WWOX: variants seen among roughly 807,000 people sequenced by gnomAD.
WWOX encodes WW domain containing oxidoreductase.
In WWOX, 69 loss-of-function variants were observed where a neutral mutation model predicts 46.2. The observed-to-expected ratio is 1.49, with a 90% CI of 1.23 to 1.82. The LOEUF is 1.82. Among genes scored for constraint, WWOX ranks in the 40% most tolerant of loss-of-function variants. The pLI is 0.00. For synonymous variants in WWOX, 359 were observed against 202.6 expected (o/e 1.77, Z -6.56); for missense variants, 919 against 542.6 (o/e 1.69, Z -6.89).
chr16:78,884,473 G>C (rs2044411390), intron 8 of WWOX, among the ~76,000 whole-genome samples: 1 of 152,022 alleles, frequency 6.6e-6, no homozygotes, highest in Non-Finnish European at 1.5e-5. Context: ...GGATAAATAA[G>C]TTGTAATAAA....
chr16:78,972,533 G>A (rs1296248267), intron 8 of WWOX, among the ~76,000 whole-genome samples: 1 of 151,744 alleles, frequency 6.6e-6, no homozygotes, highest in African/African-American at 2.4e-5. Flanking sequence ...ATCTCTGGGG[G>A]AGGGAGGGTG....
At chr16:78,800,358 TA>T (rs1419804552) in intron 8 of WWOX, among the ~76,000 whole-genome samples, 1 of 152,168 alleles carries the variant, frequency 6.6e-6, no homozygotes, top group Non-Finnish European at 1.5e-5. Flanking sequence ...TATGTTGCTT[TA>T]AAATTCCGCT....
chr16:78,433,979 C>T (rs1479275895), intron 8 of WWOX, among the ~76,000 whole-genome samples: 3 of 151,506 alleles, frequency 2.0e-5, no homozygotes, highest in African/African-American at 4.9e-5. Flanking sequence ...TTAGTAGAGA[C>T]GGGGTTTCAC....
At chr16:78,831,884 A>C (rs963399084) in intron 8 of WWOX, among the ~76,000 whole-genome samples, 3 of 152,170 alleles carry the variant, frequency 2.0e-5, no homozygotes, top group African/African-American at 7.2e-5. Context: ...GCAGGTTCGC[A>C]TATTGGTGAT....
At chr16:79,028,587 G>C (rs2047692103) in intron 8 of WWOX, among the ~76,000 whole-genome samples, 1 of 149,820 alleles carries the variant, frequency 6.7e-6, no homozygotes. Flanking sequence ...TCCCTTTCCA[G>C]CTTAACTAAA....
intron 8 of WWOX, among the ~76,000 whole-genome samples, chr16:78,745,429 C>G (rs1372095805): frequency 6.7e-6 from 1 of 150,006 alleles, no homozygotes; most frequent in Non-Finnish European, 1.5e-5. Flanking sequence ...GCCTGTTATT[C>G]TTTTCTCCCT....
chr16:79,189,472 TGTGTG>T (rs945331429), intron 8 of WWOX, among the ~76,000 whole-genome samples: 8 of 145,688 alleles, frequency 5.5e-5, no homozygotes, highest in Non-Finnish European at 7.5e-5. Flanking sequence ...TGTGTGTGTG[TGTGTG>T]TTTTGTAGAG....
At chr16:78,194,679 T>G (rs1172124773) in intron 5 of WWOX, among the ~76,000 whole-genome samples, 1 of 152,004 alleles carries the variant, frequency 6.6e-6, no homozygotes, top group African/African-American at 2.4e-5. Context: ...TATCTGGGAC[T>G]GAATAGCAGC....
intron 8 of WWOX, among the ~76,000 whole-genome samples, chr16:78,786,430 T>C (rs938566184): frequency 1.3e-5 from 2 of 152,200 alleles, no homozygotes; most frequent in Non-Finnish European, 2.9e-5. Context: ...TTCAAGAGCA[T>C]AGGTAACAGT....
intron 8 of WWOX, among the ~76,000 whole-genome samples, chr16:79,123,457 T>C (rs1284091492): frequency 6.6e-6 from 1 of 152,152 alleles, no homozygotes; most frequent in African/African-American, 2.4e-5. Flanking sequence ...TGAGACTCTT[T>C]TTCCTGCTTG....
At chr16:78,318,000 G>T (rs983000580) in intron 5 of WWOX, among the ~76,000 whole-genome samples, 2 of 152,160 alleles carry the variant, frequency 1.3e-5, no homozygotes, top group Admixed American at 6.5e-5. Flanking sequence ...TGCTGAAAAG[G>T]TTCCACAGTA....
At chr16:78,593,357 A>G (rs2045396631) in intron 8 of WWOX, among the ~76,000 whole-genome samples, 2 of 152,128 alleles carry the variant, frequency 1.3e-5, no homozygotes, top group East Asian at 1.9e-4. Context: ...CTGATATTTT[A>G]TTGTCCTAAC....
intron 6 of WWOX, among the ~76,000 whole-genome samples, chr16:78,406,213 A>G (rs181569136): frequency 6.7e-6 from 1 of 148,666 alleles, no homozygotes; most frequent in African/African-American, 2.5e-5. Context: ...ATTGCTACCA[A>G]TTTTAAGAAA....
chr16:79,143,784 T>C (rs2050134259), intron 8 of WWOX, among the ~76,000 whole-genome samples: 1 of 152,140 alleles, frequency 6.6e-6, no homozygotes, highest in Non-Finnish European at 1.5e-5. Flanking sequence ...GTTAAGTAAG[T>C]GACCCAAGAA....
intron 8 of WWOX, among the ~76,000 whole-genome samples, chr16:78,733,185 T>C (rs560084737): frequency 6.6e-6 from 1 of 152,342 alleles, no homozygotes; most frequent in Admixed American, 6.5e-5. Context: ...GAAGATTCTA[T>C]AATACTAAAG....
At chr16:78,995,199 G>C (rs533927496) in intron 8 of WWOX, among the ~76,000 whole-genome samples, 1 of 151,898 alleles carries the variant, frequency 6.6e-6, no homozygotes, top group South Asian at 2.1e-4. Flanking sequence ...CTCTCTGCTT[G>C]CATTCTTTCC....
intron 5 of WWOX, among the ~76,000 whole-genome samples, chr16:78,210,459 C>T (rs1296447442): frequency 2.0e-5 from 3 of 151,996 alleles, no homozygotes; most frequent in East Asian, 1.9e-4. Context: ...GCTAATTTAC[C>T]CACAGTTGAA....
At chr16:78,519,157 C>T (rs995414640) in intron 8 of WWOX, among the ~76,000 whole-genome samples, 1 of 152,110 alleles carries the variant, frequency 6.6e-6, no homozygotes, top group Non-Finnish European at 1.5e-5. Flanking sequence ...TTGTGGCCCC[C>T]GGCCTCAGGG....
At chr16:78,906,404 T>C (rs1422480642) in intron 8 of WWOX, among the ~76,000 whole-genome samples, 1 of 152,154 alleles carries the variant, frequency 6.6e-6, no homozygotes, top group Non-Finnish European at 1.5e-5. Flanking sequence ...CTCTCCTTCC[T>C]ACTTTCCCTC....
Sources: allele counts gnomAD v4.1 joint callset (sites outside exome capture counted in the v4.1 genomes callset), GRCh38; gene constraint gnomAD v4.1.1; transcripts MANE v1.5; gene names NCBI Gene and HGNC (gene_info 2026-07-23, HGNC 2026-07-21).